The following B3GNT2 variants were observed in gnomAD, a reference collection of about 807,000 sequenced individuals.
B3GNT2 encodes UDP-GlcNAc:betaGal beta-1,3-N-acetylglucosaminyltransferase 2, also known as N-acetyllactosaminide beta-1,3-N-acetylglucosaminyltransferase 2.
Under a neutral mutation model 27.6 loss-of-function variants are expected in B3GNT2, and 12 were observed. That is an observed-to-expected ratio of 0.44 (90% CI 0.28 to 0.71). The LOEUF is 0.71. Ranked by LOEUF, B3GNT2 falls within the 30% of genes least tolerant of loss-of-function variation. The probability of loss-of-function intolerance (pLI) is 0.17; values close to 1 mark genes in which losing one functional copy is unlikely to be tolerated. For synonymous variants in B3GNT2, 192 were observed against 189.7 expected (o/e 1.01, Z -0.10); for missense variants, 413 against 488.5 (o/e 0.85, Z 1.46).
intron 1 of B3GNT2, among the ~76,000 whole-genome samples, chr2:62,207,104 C>A (rs1404005581): frequency 6.6e-6 from 1 of 151,976 alleles, no homozygotes; most frequent in Non-Finnish European, 1.5e-5. Context: ...TTTGAGGTTA[C>A]ATTTTTATTT....
At chr2:62,208,530 G>A (rs1241968094) in intron 1 of B3GNT2, among the ~76,000 whole-genome samples, 1 of 152,138 alleles carries the variant, frequency 6.6e-6, no homozygotes, top group African/African-American at 2.4e-5. Context: ...GTGTCTTGAG[G>A]AGTGAGGCCT....
intron 1 of B3GNT2, among the ~76,000 whole-genome samples, chr2:62,213,934 A>G (rs1021400335): frequency 6.6e-6 from 1 of 152,186 alleles, no homozygotes; most frequent in Non-Finnish European, 1.5e-5. Context: ...GGTAAGTCTC[A>G]GGTACCACGT....
At chr2:62,208,020 G>A (rs894512403) in intron 1 of B3GNT2, among the ~76,000 whole-genome samples, 4 of 152,188 alleles carry the variant, frequency 2.6e-5, no homozygotes, top group Non-Finnish European at 4.4e-5. Context: ...ACTTTTGAAA[G>A]TCGATCTTAT....
chr2:62,211,396 T>C (rs1290181538), intron 1 of B3GNT2, among the ~76,000 whole-genome samples: 1 of 151,870 alleles, frequency 6.6e-6, no homozygotes, highest in Non-Finnish European at 1.5e-5. Context: ...CAGACCACAT[T>C]TACCTATATT....
chr2:62,204,245 C>T (rs1017013988), intron 1 of B3GNT2, among the ~76,000 whole-genome samples: 9 of 152,278 alleles, frequency 5.9e-5, no homozygotes, highest in South Asian at 4.1e-4. Context: ...AGGCTGGTCT[C>T]GAACTCCCAA....
chr2:62,220,056 C>T (rs897895672), intron 1 of B3GNT2, among the ~76,000 whole-genome samples: 1 of 152,224 alleles, frequency 6.6e-6, no homozygotes. Flanking sequence ...CTGAGCAATA[C>T]GGGATTATAA....
At chr2:62,202,980 A>G (rs1379955764) in intron 1 of B3GNT2, among the ~76,000 whole-genome samples, 5 of 152,066 alleles carry the variant, frequency 3.3e-5, no homozygotes, top group Non-Finnish European at 5.9e-5. Context: ...CTCTGAGAGG[A>G]GGTTTTCTCT....
In B3GNT2 at chr2:62,222,782, G is replaced by C; in HGVS notation, c.562G>C (p.Glu188Gln). The change falls in exon 2 of 2, where the codon GAG becomes CAG. Residue 188 changes from glutamate (E) to glutamine (Q), a missense_variant. Physicochemically the swap from Glu to Gln is conservative, Grantham distance 29 (BLOSUM62 2). Transcript: ENST00000301998. This position sits in a 1 kb window ranked among gnomAD's most constrained non-coding sequence, Gnocchi z 4.2. Reference protein sequence around the residue: ...RVFLLGQTPPEDNHPDLSDML... With the variant: ...RVFLLGQTPPQDNHPDLSDML... ...CTTCCTGCTGGGCCAGACACCCCCA[G>C]AGGACAACCACCCCGACCTTTCAGA... is the stretch of plus-strand genomic sequence containing the variant. 1 of 1,614,190 alleles carries C rather than the reference G, an allele frequency of 6.2e-7. No individual in the cohort carries two copies.
At chr2:62,215,749 T>TTG (rs917575761) in intron 1 of B3GNT2, 4 of 152,298 alleles carry the variant, frequency 2.6e-5, no homozygotes, top group Non-Finnish European at 5.9e-5. Flanking sequence ...GTGTGTCCTG[T>TTG]TGGAGCAGGA....
chr2:62,219,481 G>A (rs566198236), intron 1 of B3GNT2, among the ~76,000 whole-genome samples: 1 of 152,228 alleles, frequency 6.6e-6, no homozygotes, highest in Admixed American at 6.5e-5. Flanking sequence ...TGCTGTGTTG[G>A]CCAGGCTGGT....
At chr2:62,203,088 G>A (rs139099190) in intron 1 of B3GNT2, among the ~76,000 whole-genome samples, 3 of 152,294 alleles carry the variant, frequency 2.0e-5, no homozygotes, top group African/African-American at 4.8e-5. Context: ...CTCTGACTTG[G>A]TTCTTTGCTG....
At chr2:62,213,053 G>A (rs1401985867) in intron 1 of B3GNT2, among the ~76,000 whole-genome samples, 3 of 152,124 alleles carry the variant, frequency 2.0e-5, no homozygotes, top group Non-Finnish European at 4.4e-5. Context: ...CTTCCAATAT[G>A]CATTAAGCTC....
intron 1 of B3GNT2, among the ~76,000 whole-genome samples, chr2:62,211,009 G>A (rs931352447): frequency 1.3e-5 from 2 of 152,120 alleles, no homozygotes; most frequent in African/African-American, 4.8e-5. Flanking sequence ...GGGTGTTTAT[G>A]TGTTTTCAGT....
intron 1 of B3GNT2, chr2:62,205,962 T>C (rs78689106): frequency 0.042 from 6,425 of 154,328 alleles, 350 homozygotes; most frequent in African/African-American, 0.13. Flanking sequence ...ATGAAATCGA[T>C]GGACTGGGGG....
intron 1 of B3GNT2, among the ~76,000 whole-genome samples, chr2:62,212,807 T>C (rs1410976421): frequency 6.6e-6 from 1 of 152,162 alleles, no homozygotes; most frequent in African/African-American, 2.4e-5. Flanking sequence ...GTCATATTTA[T>C]TGTATTAAAC....
chr2:62,199,089 C>T lies in B3GNT2; in HGVS notation c.-10+2734C>T, dbSNP rs529903509. Among the ~76,000 whole-genome samples, 4 of 152,300 alleles carry T rather than the reference C, an allele frequency of 2.6e-5. No homozygotes were observed. In the South Asian group the frequency reaches 8.3e-4, roughly 32 times the overall value. ...CCCAGTAGCTGGGATTACAGGCATC[C>T]ACCACCACGCCTGGCTAATTTTTGT... On this transcript the variant is annotated intron_variant, in intron 1 of 1. Coordinates refer to ENST00000301998, the MANE Select transcript of B3GNT2 (RefSeq NM_006577.6).
intron 1 of B3GNT2, among the ~76,000 whole-genome samples, chr2:62,214,745 G>A (rs975264075): frequency 2.0e-5 from 3 of 152,108 alleles, no homozygotes; most frequent in African/African-American, 4.8e-5. Flanking sequence ...TAGAGAGGTC[G>A]GGTAACTTGC....
chr2:62,201,548 C>T (rs941164363), intron 1 of B3GNT2, among the ~76,000 whole-genome samples: 14 of 152,200 alleles, frequency 9.2e-5, no homozygotes, highest in African/African-American at 3.4e-4. Context: ...GTAATCTTAC[C>T]GTGTAAGCGG....
At chr2:62,218,547 A>G (rs1674619984) in intron 1 of B3GNT2, among the ~76,000 whole-genome samples, 2 of 152,144 alleles carry the variant, frequency 1.3e-5, no homozygotes, top group African/African-American at 4.8e-5. Flanking sequence ...ATGTACCATG[A>G]TCCCGTGCCA....
Sources: gnomAD v4.1 joint callset for allele counts (sites outside exome capture counted in the v4.1 genomes callset) on GRCh38, gnomAD v4.1.1 for gene constraint, Gnocchi (gnomAD v3.1) non-coding constraint, MANE v1.5 for transcripts, NCBI Gene and HGNC (gene_info 2026-07-23, HGNC 2026-07-21) for gene names.